LOXL2: variants seen among roughly 807,000 people sequenced by gnomAD.
LOXL2 encodes the protein lysyl oxidase homolog 2.
LOXL2 carries 70 observed loss-of-function variants against 93.0 expected under a neutral mutation model. That is an observed-to-expected ratio of 0.75 (90% CI 0.62 to 0.92). The LOEUF is 0.92. Ranked by LOEUF, LOXL2 falls within the 40% of genes least tolerant of loss-of-function variation. The probability of loss-of-function intolerance (pLI) is 0.00; values close to 1 mark genes in which losing one functional copy is unlikely to be tolerated. For missense variants in LOXL2, 973 were observed against 1,054.9 expected (o/e 0.92, Z 1.08); for synonymous variants, 438 against 413.2 (o/e 1.06, Z -0.73).
chr8:23,396,150 C>G (rs1188196784), intron 1 of LOXL2, among the ~76,000 whole-genome samples: 3 of 151,988 alleles, frequency 2.0e-5, no homozygotes, highest in African/African-American at 7.2e-5. Flanking sequence ...GAAACCCTGT[C>G]TCTACTAAAA....
At chr8:23,367,608 C>A (rs547569393) in intron 2 of LOXL2, among the ~76,000 whole-genome samples, 1 of 152,168 alleles carries the variant, frequency 6.6e-6, no homozygotes, top group African/African-American at 2.4e-5. Flanking sequence ...TAAAGCGCAA[C>A]TTCCTCTGGG....
intron 11 of LOXL2, 125 bp from the exon 12 acceptor site, chr8:23,302,288 G>A (rs973806024): frequency 1.1e-5 from 13 of 1,138,404 alleles, no homozygotes; most frequent in Middle Eastern, 2.2e-4. Flanking sequence ...CACTGTGTGG[G>A]CTGCTCATCT....
chr8:23,326,179 C>T (rs77185382), intron 6 of LOXL2, among the ~76,000 whole-genome samples: 2,066 of 152,278 alleles, frequency 0.014, 17 homozygotes, highest in African/African-American at 0.019. Flanking sequence ...GTTGACCCTG[C>T]CCAGCATGAC....
At chr8:23,360,384 G>C (rs1804270275) in intron 2 of LOXL2, 119 bp from the exon 3 acceptor site, 3 of 671,018 alleles carry the variant, frequency 4.5e-6, no homozygotes, top group African/African-American at 3.6e-5. Context: ...AGCTGTGTGT[G>C]GCCATCCATT....
At position 23,298,116 on chromosome 8, in the gene LOXL2, G is replaced by C; in HGVS notation, c.2252C>G (p.Ser751Cys). 6.2e-7 allele frequency: 1 copy of C among 1,613,068 alleles called. No individual in the cohort carries two copies. Among genetic ancestry groups the C allele is most frequent in the South Asian group, 1.1e-5 (1 of 91,024 alleles). Reference protein sequence around the residue: ...IWMYNCHIGGSFSEETEKKFE... With the variant: ...IWMYNCHIGGCFSEETEKKFE... ...CTTTTTTTCCGTCTCTTCGCTGAAG[G>C]AACCACCTGAAGAGCGAGAATCGGG... Residue 751 changes from serine (S) to cysteine (C), a missense_variant, in exon 14 of 14, where the codon TCC becomes TGC. Transcript: ENST00000389131.
At position 23,328,476 on chromosome 8, in the gene LOXL2, G is replaced by A. The variant is rs1340318706; in HGVS notation, c.1056C>T (p.Asp352=). The change falls in exon 6 of 14, where the codon GAC becomes GAT. Residue 352 remains aspartate (D), a synonymous_variant. Transcript: ENST00000389131. ...LKNGEWGTVC[D]DKWDLVSASV... is the part of the protein sequence containing the mutation. ...TGGCCGACACCAGGTCCCACTTGTCGTCGCAGACGGTCCCCCATTCTCCAT... is the reference window on the plus strand; with the variant it reads ...TGGCCGACACCAGGTCCCACTTGTCATCGCAGACGGTCCCCCATTCTCCAT... 7 of 1,614,084 alleles carry A rather than the reference G, an allele frequency of 4.3e-6. No individual in the cohort carries two copies. The highest frequency in any genetic ancestry group is 2.2e-5 in the South Asian group (2 of 91,084).
In LOXL2 at chr8:23,341,041, C is replaced by T. The variant is rs751602145; in HGVS notation, c.694G>A (p.Gly232Ser). ...CTCTCCCCAGGGAAGCCAAACATGCCGCAGACCACGCGGGAATTCTTGGCC... is the reference window on the plus strand; with the variant it reads ...CTCTCCCCAGGGAAGCCAAACATGCTGCAGACCACGCGGGAATTCTTGGCC... The part of the protein sequence containing the change: ...WTAKNSRVVC[G>S]MFGFPGERTY... Residue 232 changes from glycine (G) to serine (S), a missense_variant, in exon 4 of 14, where the codon GGC (glycine) becomes AGC (serine). By Grantham distance (56) the Gly-to-Ser change is moderately conservative (BLOSUM62 0). Transcript: ENST00000389131. 38 of 1,614,064 alleles carry T rather than the reference C, an allele frequency of 2.4e-5. No individual in the cohort carries two copies. The East Asian group carries it at 3.6e-4, about 15-fold the overall frequency.
chr8:23,302,037 T>TA lies in LOXL2; in HGVS notation c.2122dup (p.Tyr708LeufsTer8). The TA allele has an allele frequency of 6.2e-7, 1 of 1,614,004 alleles. No homozygotes were observed. The highest frequency in any genetic ancestry group is 8.5e-7 in the Non-Finnish European group (1 of 1,179,966). ...TCCCACCCACCTCACCTGGAACAGG[T>TA]AGTCTCCAGGGGGCACGTCAGTGAT... On this transcript the variant is annotated frameshift_variant, in exon 12 of 14. Coordinates refer to ENST00000389131, the MANE Select transcript of LOXL2 (RefSeq NM_002318.3). LOFTEE classifies it high-confidence loss of function.
rs1261705323 is a variant in LOXL2, at chr8:23,308,986, A to T, written c.1880+682T>A. Among the ~76,000 whole-genome samples, 249 of 141,812 alleles carry T rather than the reference A, an allele frequency of 1.8e-3. 1 individual carries two copies. Among genetic ancestry groups the T allele is most frequent in the Non-Finnish European group, 2.9e-3 (192 of 66,232 alleles). 93.0% of individuals were successfully genotyped at this position (141,812 alleles called of 152,430 possible). On this transcript the variant is annotated intron_variant, in intron 10 of 13. Coordinates refer to ENST00000389131, the MANE Select transcript of LOXL2 (RefSeq NM_002318.3). The stretch of plus-strand genomic sequence containing the variant: ...CAGTACGTGGAATATATATATATAT[A>T]TATATTTTTTTTTTTTGAGACAGAG...
chr8:23,331,591 G>T (rs536086555), intron 5 of LOXL2: 1 of 152,074 alleles, frequency 6.6e-6, no homozygotes, highest in South Asian at 2.1e-4. Context: ...CAAGATATTC[G>T]CTGTTTCCTG....
chr8:23,377,905 T>C (rs1277252068), intron 1 of LOXL2, among the ~76,000 whole-genome samples: 1 of 152,244 alleles, frequency 6.6e-6, no homozygotes, highest in Non-Finnish European at 1.5e-5. Flanking sequence ...TTTGCCAGTC[T>C]GTGTCTTTTA....
At chr8:23,324,222 C>G (rs1363856927) in intron 6 of LOXL2, among the ~76,000 whole-genome samples, 1 of 152,188 alleles carries the variant, frequency 6.6e-6, no homozygotes, top group Non-Finnish European at 1.5e-5. Flanking sequence ...TCTGGCTGAA[C>G]TTCTGTGTAA....
intron 3 of LOXL2, among the ~76,000 whole-genome samples, chr8:23,358,448 T>A (rs1056504197): frequency 4.6e-5 from 7 of 152,200 alleles, no homozygotes; most frequent in African/African-American, 1.7e-4. Context: ...TAGGGCAATT[T>A]CAAGTCACCT....
chr8:23,356,064 G>T (rs1300930081), intron 3 of LOXL2, among the ~76,000 whole-genome samples: 2 of 151,960 alleles, frequency 1.3e-5, no homozygotes, highest in Non-Finnish European at 2.9e-5. Context: ...CAGTTTTTCT[G>T]AAAGTTCATT....
intron 1 of LOXL2, chr8:23,402,744 T>A (rs1229018956): frequency 2.0e-5 from 3 of 151,322 alleles, no homozygotes; most frequent in Admixed American, 6.6e-5. Context: ...ACTAACTCAG[T>A]GACCGTGAGC....
At chr8:23,327,355 G>A (rs1032358427) in intron 6 of LOXL2, among the ~76,000 whole-genome samples, 1 of 152,210 alleles carries the variant, frequency 6.6e-6, no homozygotes, top group Non-Finnish European at 1.5e-5. Context: ...CTGGGCTAGT[G>A]AGGGCTATCA....
chr8:23,356,019 A>G lies in LOXL2; in HGVS notation c.531+4071T>C, dbSNP rs566959626. Among the ~76,000 whole-genome samples the G allele has an allele frequency of 3.3e-5, 5 of 152,214 alleles. No homozygotes were observed. In the East Asian group the frequency reaches 5.8e-4, roughly 18 times the overall value. ...ATAGGACCTTCTATTCATCCCTAAT[A>G]TGTTACAGCTTGGGCCCATTATTTC... On this transcript the variant is annotated intron_variant, in intron 3 of 13. Transcript: ENST00000389131.
chr8:23,381,715 A>C (rs68028202), intron 1 of LOXL2, among the ~76,000 whole-genome samples: 18,018 of 151,984 alleles, frequency 0.12, 1,315 homozygotes, highest in Admixed American at 0.18. Context: ...TATCCTTCCA[A>C]CCTCAGGGAG....
intron 1 of LOXL2, among the ~76,000 whole-genome samples, chr8:23,373,812 G>A (rs545209284): frequency 3.3e-5 from 5 of 151,784 alleles, no homozygotes; most frequent in Non-Finnish European, 5.9e-5. Context: ...GTCCCCCACC[G>A]CGAAGCTCTA....
Sources: gnomAD v4.1 joint callset for allele counts (sites outside exome capture counted in the v4.1 genomes callset) on GRCh38, gnomAD v4.1.1 for gene constraint, MANE v1.5 for transcripts, NCBI Gene and HGNC (gene_info 2026-07-23, HGNC 2026-07-21) for gene names.